The following IGF1R variants were observed in gnomAD, a reference collection of about 807,000 sequenced individuals.
The protein encoded by IGF1R is insulin-like growth factor 1 receptor.
IGF1R carries 44 observed loss-of-function variants against 144.6 expected under a neutral mutation model. That is an observed-to-expected ratio of 0.30 (90% CI 0.24 to 0.39). The LOEUF is 0.39. Among genes scored for constraint, IGF1R ranks in the 10% least tolerant of loss-of-function variants. The pLI, the probability that IGF1R is intolerant of heterozygous loss-of-function variation, is 1.00. For missense variants in IGF1R, 1,355 were observed against 1,833.7 expected, an observed-to-expected ratio of 0.74 and a Z score of 4.77; for synonymous variants, 795 against 722.8, an observed-to-expected ratio of 1.10 and a Z score of -1.60.
intron 2 of IGF1R, among the ~76,000 whole-genome samples, chr15:98,719,818 G>A (rs45510598): frequency 0.032 from 4,831 of 152,248 alleles, 90 homozygotes; most frequent in East Asian, 0.057. Context: ...CCACTGGAAA[G>A]CTTCTGTTGC....
chr15:98,930,292 C>G lies in IGF1R; in HGVS notation c.2943C>G (p.Phe981Leu), dbSNP rs1176015178. The G allele has an allele frequency of 6.2e-7, 1 of 1,612,174 alleles. No homozygotes were observed. Among genetic ancestry groups the G allele is most frequent in the South Asian group, 1.1e-5 (1 of 90,724 alleles). ...ATGCCTCTGTGAACCCGGAGTACTT[C>G]AGCGCTGCTGATGGTAAGAGTCCGG... Reference protein sequence around the residue: ...VLYASVNPEYFSAADVYVPDE... With the variant: ...VLYASVNPEYLSAADVYVPDE... Residue 981 changes from phenylalanine to leucine, a missense_variant, in exon 15 of 21, where the codon TTC (phenylalanine) becomes TTG (leucine). By Grantham distance (22) the Phe-to-Leu change is conservative. Around this residue, in one of 7 missense-constraint regions of IGF1R, gnomAD observed 880 missense variants for 1,202.7 expected, o/e 0.73. Coordinates refer to ENST00000650285, the MANE Select transcript of IGF1R (RefSeq NM_000875.5).
Position 98,913,147 on chromosome 15 carries a change from G to A in IGF1R, c.1693G>A (p.Gly565Ser), listed in dbSNP as rs747472047. 2.4e-5 allele frequency: 39 copies of A among 1,614,108 alleles called. No individual in the cohort carries two copies. The highest frequency in any genetic ancestry group is 2.2e-5 in the South Asian group (2 of 91,092). Residue 565 changes from glycine to serine, a missense_variant, in exon 8 of 21, where the codon GGC (glycine) becomes AGC (serine). Gly to Ser is a moderately conservative substitution (Grantham distance 56, BLOSUM62 0). This residue lies in a region of IGF1R where 880 missense variants were observed against 1,202.7 expected (regional missense o/e 0.73). Transcript: ENST00000650285. ...DLPPNKDVEP[G>S]ILLHGLKPWT... ...CCCGCCCAACAAGGACGTGGAGCCCGGCATCTTACTACATGGGCTGAAGCC... is the reference window on the plus strand; with the variant it reads ...CCCGCCCAACAAGGACGTGGAGCCCAGCATCTTACTACATGGGCTGAAGCC...
At position 98,707,553 on chromosome 15, in the gene IGF1R, T is replaced by C. The variant is rs752467102; in HGVS notation, c.95-9T>C. 3 of 1,613,978 alleles carry C rather than the reference T, an allele frequency of 1.9e-6. No homozygotes were observed. In the South Asian group the frequency reaches 3.3e-5, roughly 18 times the overall value. On this transcript the variant is annotated splice_polypyrimidine_tract_variant and intron_variant, in intron 1 of 20. Transcript: ENST00000650285. The surrounding 1 kb of genome is among the most constrained non-coding windows in gnomAD (Gnocchi z 6.7). ...TAACTGAGACGTTTACCCTCTTGTCTCCCTTCAGTCTGCGGGCCAGGCATC... is the reference window on the plus strand; with the variant it reads ...TAACTGAGACGTTTACCCTCTTGTCCCCCTTCAGTCTGCGGGCCAGGCATC...
chr15:98,676,987 G>A (rs565080997), intron 1 of IGF1R, among the ~76,000 whole-genome samples: 2 of 152,040 alleles, frequency 1.3e-5, no homozygotes, highest in South Asian at 4.2e-4. Flanking sequence ...CCAGGCTGGA[G>A]TGCAGTGGTG....
At chr15:98,943,466 G>C (rs2016439173) in intron 19 of IGF1R, among the ~76,000 whole-genome samples, 1 of 152,044 alleles carries the variant, frequency 6.6e-6, no homozygotes, top group Admixed American at 6.6e-5. Context: ...GCTTTATTTA[G>C]ACCCAAAGCT....
chr15:98,834,374 A>T (rs1596342572), intron 2 of IGF1R, among the ~76,000 whole-genome samples: 1 of 152,216 alleles, frequency 6.6e-6, no homozygotes, highest in South Asian at 2.1e-4. Flanking sequence ...GAGAAAATGG[A>T]GGTCATTAAA....
At chr15:98,772,655 C>G (rs1182033813) in intron 2 of IGF1R, among the ~76,000 whole-genome samples, 2 of 151,514 alleles carry the variant, frequency 1.3e-5, no homozygotes, top group Non-Finnish European at 2.9e-5. Context: ...CACCACCACG[C>G]CCAGCTAATT....
chr15:98,865,416 G>C (rs1315109908), intron 2 of IGF1R, among the ~76,000 whole-genome samples: 2 of 152,162 alleles, frequency 1.3e-5, no homozygotes, highest in Admixed American at 6.5e-5. Flanking sequence ...TCGCTGGCTG[G>C]GCTCCTGCAG....
chr15:98,655,233 TC>T (rs2052456787), intron 1 of IGF1R, among the ~76,000 whole-genome samples: 1 of 152,222 alleles, frequency 6.6e-6, no homozygotes, highest in South Asian at 2.1e-4. Flanking sequence ...GAAGCATACT[TC>T]CTCGGCATGA....
chr15:98,711,771 G>T (rs750654334), intron 2 of IGF1R, among the ~76,000 whole-genome samples: 5 of 151,990 alleles, frequency 3.3e-5, no homozygotes, highest in African/African-American at 1.2e-4. Flanking sequence ...TCCTGACATA[G>T]TCCATTCAGG....
intron 2 of IGF1R, among the ~76,000 whole-genome samples, chr15:98,760,921 C>T (rs181921176): frequency 2.6e-5 from 4 of 152,244 alleles, no homozygotes; most frequent in African/African-American, 4.8e-5. Flanking sequence ...GTTTGCTTTT[C>T]GATGTCTAAT....
At chr15:98,754,671 T>C (rs1454755891) in intron 2 of IGF1R, among the ~76,000 whole-genome samples, 1 of 152,208 alleles carries the variant, frequency 6.6e-6, no homozygotes, top group African/African-American at 2.4e-5. Flanking sequence ...GGTTCCTTCT[T>C]TCTGTCTTTG....
chr15:98,760,835 C>T (rs555297770), intron 2 of IGF1R, among the ~76,000 whole-genome samples: 3 of 152,344 alleles, frequency 2.0e-5, no homozygotes, highest in Admixed American at 1.3e-4. Context: ...ATTACCCATC[C>T]TTCGATACAG....
At chr15:98,696,916 C>G (rs1361489214) in intron 1 of IGF1R, among the ~76,000 whole-genome samples, 1 of 152,100 alleles carries the variant, frequency 6.6e-6, no homozygotes, top group African/African-American at 2.4e-5. Context: ...GGTACCTGGT[C>G]TTAGTAGAAA....
rs140563507 is a variant in IGF1R, at chr15:98,831,096, C to T, written c.641-60229C>T. 7.9e-5 allele frequency among the ~76,000 whole-genome samples: 12 copies of T among 152,308 alleles called. No individual in the cohort carries two copies. In the East Asian group the frequency reaches 2.3e-3, roughly 29 times the overall value. Reference sequence around the variant, plus strand: ...TTCATAAGGGATCCACCCCATGACCCAAACACCTCCCACCAGGCCCCACCT... The same window carrying T: ...TTCATAAGGGATCCACCCCATGACCTAAACACCTCCCACCAGGCCCCACCT... On this transcript the variant is annotated intron_variant, in intron 2 of 20. Coordinates refer to ENST00000650285, the MANE Select transcript of IGF1R (RefSeq NM_000875.5).
rs148046029 is a variant in IGF1R, at chr15:98,907,884, G to A, written c.1248-801G>A. ...CTCTCCTAGATTGCTGGTTCTCCAC[G>A]TGTGGTCCAGGGACCACAGCAGGGG... On this transcript the variant is annotated intron_variant, in intron 5 of 20. Coordinates refer to ENST00000650285, the MANE Select transcript of IGF1R (RefSeq NM_000875.5). Among the ~76,000 whole-genome samples the A allele has an allele frequency of 3.3e-5, 5 of 152,338 alleles. 1 individual carries two copies. Among genetic ancestry groups the A allele is most frequent in the East Asian group, 3.9e-4 (2 of 5,182 alleles).
intron 2 of IGF1R, among the ~76,000 whole-genome samples, chr15:98,889,478 G>T (rs544359293): frequency 6.6e-6 from 1 of 152,194 alleles, no homozygotes; most frequent in African/African-American, 2.4e-5. Context: ...TTGCTTTGCC[G>T]ATTGCAATAA....
At position 98,864,724 on chromosome 15, in the gene IGF1R, T is replaced by C. The variant is rs10468197; in HGVS notation, c.641-26601T>C. On this transcript the variant is annotated intron_variant, in intron 2 of 20. Coordinates refer to ENST00000650285, the MANE Select transcript of IGF1R (RefSeq NM_000875.5). The stretch of plus-strand genomic sequence containing the variant: ...TTAGCCAAAAGAAAGTTTTAAAAAA[T>C]TGTCTGTTGTATTCTTTGATTTTAC... Among the ~76,000 whole-genome samples, 981 of 152,332 alleles carry C rather than the reference T, an allele frequency of 6.4e-3. 11 individuals carry two copies. The highest frequency in any genetic ancestry group is 0.022 in the African/African-American group (912 of 41,584).
At chr15:98,682,575 T>TCTTA (rs2053219051) in intron 1 of IGF1R, among the ~76,000 whole-genome samples, 1 of 152,066 alleles carries the variant, frequency 6.6e-6, no homozygotes, top group Admixed American at 6.5e-5. Flanking sequence ...GGAGACAGAA[T>TCTTA]CTTACTCTGT....
Sources: gnomAD v4.1 joint callset for allele counts (sites outside exome capture counted in the v4.1 genomes callset) on GRCh38, gnomAD v4.1.1 for gene constraint, gnomAD v4.1.1 regional missense constraint, Gnocchi (gnomAD v3.1) non-coding constraint, MANE v1.5 for transcripts, NCBI Gene and HGNC (gene_info 2026-07-23, HGNC 2026-07-21) for gene names.